Variants in SLC4A7 observed in about 807,000 individuals in gnomAD.
SLC4A7 encodes the protein solute carrier family 4 member 7.
SLC4A7 carries 51 observed loss-of-function variants against 137.6 expected under a neutral mutation model. The ratio of observed to expected loss-of-function variants is 0.37; its 90% CI spans 0.30 to 0.47. The LOEUF is 0.47. Among genes scored for constraint, SLC4A7 ranks in the 20% least tolerant of loss-of-function variants. The pLI is 1.00. For synonymous variants in SLC4A7, 542 were observed against 518.6 expected, an observed-to-expected ratio of 1.05 and a Z score of -0.61; for missense variants, 1,247 against 1,525.4, an observed-to-expected ratio of 0.82 and a Z score of 3.04.
intron 3 of SLC4A7, among the ~76,000 whole-genome samples, chr3:27,445,391 A>C (rs1002709937): frequency 2.0e-5 from 3 of 152,086 alleles, no homozygotes; most frequent in East Asian, 3.9e-4. Context: ...TGTGGCCTGG[A>C]AACTGTCTCT....
intron 8 of SLC4A7, among the ~76,000 whole-genome samples, chr3:27,423,319 G>C (rs1447351413): frequency 6.6e-6 from 1 of 152,008 alleles, no homozygotes; most frequent in African/African-American, 2.4e-5. Context: ...ATGAGCATCT[G>C]GTATTTTACT....
intron 1 of SLC4A7, among the ~76,000 whole-genome samples, chr3:27,477,616 C>T (rs1333949472): frequency 6.6e-6 from 1 of 151,018 alleles, no homozygotes; most frequent in East Asian, 1.9e-4. Flanking sequence ...TTCTCAGAGC[C>T]TTTTTTTTTG....
intron 22 of SLC4A7, among the ~76,000 whole-genome samples, chr3:27,387,943 A>G (rs1459446389): frequency 6.6e-6 from 1 of 152,268 alleles, no homozygotes; most frequent in South Asian, 2.1e-4. Context: ...AAGCTAATAC[A>G]AATGCTATTA....
chr3:27,402,635 G>A (rs918746679), intron 15 of SLC4A7, among the ~76,000 whole-genome samples: 5 of 151,904 alleles, frequency 3.3e-5, no homozygotes, highest in African/African-American at 9.7e-5. Context: ...GGAGGCAGAG[G>A]CTGCAGTTAG....
chr3:27,425,075 A>G (rs984237542), intron 7 of SLC4A7, among the ~76,000 whole-genome samples: 23 of 152,214 alleles, frequency 1.5e-4, no homozygotes, highest in African/African-American at 5.5e-4. Flanking sequence ...TAAAATTTAA[A>G]AAATTTCAAA....
At chr3:27,394,180 G>A (rs908955104) in intron 20 of SLC4A7, among the ~76,000 whole-genome samples, 1 of 148,066 alleles carries the variant, frequency 6.8e-6, no homozygotes, top group Non-Finnish European at 1.5e-5. Flanking sequence ...CACCATACCT[G>A]GCTAATTATT....
intron 24 of SLC4A7, among the ~76,000 whole-genome samples, chr3:27,380,987 C>T (rs901751660): frequency 1.3e-5 from 2 of 152,162 alleles, no homozygotes; most frequent in Admixed American, 6.5e-5. Context: ...GCCTGCATTA[C>T]ATAAATTATT....
intron 1 of SLC4A7, among the ~76,000 whole-genome samples, chr3:27,479,038 G>C (rs1167905839): frequency 6.6e-6 from 1 of 151,688 alleles, no homozygotes; most frequent in Non-Finnish European, 1.5e-5. Context: ...CACCAAACTA[G>C]AACCTGTCTG....
intron 11 of SLC4A7, among the ~76,000 whole-genome samples, chr3:27,411,983 G>A (rs143116238): frequency 6.7e-4 from 102 of 152,042 alleles, no homozygotes; most frequent in African/African-American, 2.3e-3. Context: ...TGCATCTTAT[G>A]TTCTAATTAT....
rs150227814 is a variant in SLC4A7, at chr3:27,379,982, A to C, written c.3591-626T>G. ...TGTTATTCACATATTTAGTGTGATAAAGGTGGTATTTTATCAAGTTTATCA... is the reference window on the plus strand; with the variant it reads ...TGTTATTCACATATTTAGTGTGATACAGGTGGTATTTTATCAAGTTTATCA... On this transcript the variant is annotated intron_variant, in intron 24 of 25. Transcript: ENST00000454389. Among the ~76,000 whole-genome samples, 339 of 152,284 alleles carry C rather than the reference A, an allele frequency of 2.2e-3. 12 individuals carry two copies. In the East Asian group the frequency reaches 0.055, roughly 25 times the overall value.
Position 27,431,417 on chromosome 3 carries a change from A to G in SLC4A7, c.1031T>C (p.Leu344Pro), listed in dbSNP as rs2056271583. 2.5e-6 allele frequency: 4 copies of G among 1,614,044 alleles called. No individual in the cohort carries two copies. The highest frequency in any genetic ancestry group is 3.4e-6 in the Non-Finnish European group (4 of 1,179,936). Residue 344 changes from leucine to proline, a missense_variant, in exon 7 of 26, where the codon CTG becomes CCG. Transcript: ENST00000454389. ...QESQRQAPEL[L>P]VSPASDDIPT... ...AATATCATCACTGGCAGGTGAAACCAGTAGTTCTGGGGCCTGACGCTGACT... is the reference window on the plus strand; with the variant it reads ...AATATCATCACTGGCAGGTGAAACCGGTAGTTCTGGGGCCTGACGCTGACT...
intron 1 of SLC4A7, among the ~76,000 whole-genome samples, chr3:27,463,692 C>G: frequency 6.6e-6 from 1 of 152,064 alleles, no homozygotes. Context: ...CGCCATTTGC[C>G]GGGGGGAAGA....
At chr3:27,455,318 A>G (rs2058334487) in intron 1 of SLC4A7, among the ~76,000 whole-genome samples, 1 of 152,220 alleles carries the variant, frequency 6.6e-6, no homozygotes, top group African/African-American at 2.4e-5. Context: ...GTAGTGAATA[A>G]GATCAAGTTT....
chr3:27,416,416 A>G (rs1034138649), intron 11 of SLC4A7, among the ~76,000 whole-genome samples: 4 of 152,186 alleles, frequency 2.6e-5, no homozygotes, highest in African/African-American at 7.2e-5. Flanking sequence ...CTTAGTGTGT[A>G]TAAGTTTTTG....
intron 7 of SLC4A7, among the ~76,000 whole-genome samples, chr3:27,425,541 T>TC (rs1219405429): frequency 1.3e-5 from 2 of 149,032 alleles, no homozygotes; most frequent in African/African-American, 4.9e-5. Flanking sequence ...CCTGGCGTGG[T>TC]GGAGCATGCC....
chr3:27,415,936 C>T (rs1220994249), intron 11 of SLC4A7, among the ~76,000 whole-genome samples: 3 of 152,200 alleles, frequency 2.0e-5, no homozygotes, highest in East Asian at 1.9e-4. Context: ...ATGATCCTTA[C>T]GCTGGATTCA....
rs17019727 is a variant in SLC4A7, at chr3:27,391,865, A to G, written c.3118-57T>C. 1,218 of 963,098 alleles carry G rather than the reference A, an allele frequency of 1.3e-3. 12 individuals are homozygous for G. In the African/African-American group the frequency reaches 0.018, roughly 14 times the overall value. 59.7% of individuals were successfully genotyped at this position (963,098 alleles called of 1,614,324 possible). A position where few individuals can be genotyped will look rare whatever the true frequency, so the allele number is the denominator to read the frequency against. ...TGAGTAGTAAGTAAACAAAAACATA[A>G]TCAGTGAGTAATTATAGGGCTAGAA... On this transcript the variant is annotated intron_variant, in intron 20 of 25. Coordinates refer to ENST00000454389, the MANE Select transcript of SLC4A7 (RefSeq NM_001321103.2).
At chr3:27,433,394 C>T (rs762777861) in intron 6 of SLC4A7, among the ~76,000 whole-genome samples, 1 of 152,138 alleles carries the variant, frequency 6.6e-6, no homozygotes, top group Non-Finnish European at 1.5e-5. Context: ...CAGAGGTAAA[C>T]GACTGCAAAA....
At chr3:27,380,330 AAAAG>A (rs2050294621) in intron 24 of SLC4A7, among the ~76,000 whole-genome samples, 1 of 151,826 alleles carries the variant, frequency 6.6e-6, no homozygotes, top group Admixed American at 6.6e-5. Context: ...AAAAAAAAAA[AAAAG>A]AGTACTATCC....
Sources: allele counts gnomAD v4.1 joint callset (sites outside exome capture counted in the v4.1 genomes callset), GRCh38; gene constraint gnomAD v4.1.1; transcripts MANE v1.5; gene names NCBI Gene and HGNC (gene_info 2026-07-23, HGNC 2026-07-21).